TASP1: variants seen among roughly 807,000 people sequenced by gnomAD.
TASP1 encodes threonine aspartase 1.
In TASP1, 16 loss-of-function variants were observed where a neutral mutation model predicts 56.6. The observed-to-expected ratio is 0.28, with a 90% CI of 0.19 to 0.43. The LOEUF (loss-of-function observed/expected upper bound fraction) is 0.43. Among genes scored for constraint, TASP1 ranks in the 20% least tolerant of loss-of-function variants. TASP1 has a pLI of 1.00. For synonymous variants in TASP1, 179 were observed against 184.2 expected, an observed-to-expected ratio of 0.97 and a Z score of 0.23; for missense variants, 393 against 511.6, an observed-to-expected ratio of 0.77 and a Z score of 2.24.
At chr20:13,399,520 C>T (rs2041660753) in intron 13 of TASP1, among the ~76,000 whole-genome samples, 1 of 152,176 alleles carries the variant, frequency 6.6e-6, no homozygotes, top group Non-Finnish European at 1.5e-5. Flanking sequence ...AGGCCAAAAT[C>T]TTAAGAGTCA....
chr20:13,302,146 A>G, the TASP1 span, among the ~76,000 whole-genome samples: 5 of 152,324 alleles, frequency 3.3e-5, no homozygotes, highest in East Asian at 9.6e-4. Context: ...TGAAATCTCA[A>G]AGAGAACAGA....
chr20:13,158,471 C>T, the TASP1 span, among the ~76,000 whole-genome samples: 73 of 152,202 alleles, frequency 4.8e-4, no homozygotes, highest in African/African-American at 1.7e-3. Flanking sequence ...ACAGTGAAAG[C>T]GGTCTTCTGG....
chr20:13,547,221 G>T lies in TASP1; in HGVS notation c.675+11787C>A, dbSNP rs1033637833. Among the ~76,000 whole-genome samples the T allele has an allele frequency of 2.6e-5, 4 of 152,280 alleles. No individual in the cohort carries two copies. The East Asian group carries it at 5.8e-4, about 22-fold the overall frequency. On this transcript the variant is annotated intron_variant, in intron 8 of 13. Transcript: ENST00000337743. Reference sequence around the variant, plus strand: ...ACACCAACCTCAAAATGGCAAATGTGTAAAGCAGATAATTCAATTCAATTA... The same window carrying T: ...ACACCAACCTCAAAATGGCAAATGTTTAAAGCAGATAATTCAATTCAATTA...
At chr20:13,359,538 CG>C in the TASP1 span, among the ~76,000 whole-genome samples, 1 of 151,490 alleles carries the variant, frequency 6.6e-6, no homozygotes. Flanking sequence ...TTAATCAATA[CG>C]GAGGCTACAC....
the TASP1 span, among the ~76,000 whole-genome samples, chr20:13,360,449 G>T: frequency 3.1e-3 from 476 of 151,960 alleles, 1 homozygote; most frequent in East Asian, 0.01. Context: ...TCAAACCCAA[G>T]CACCTTCTAC....
At chr20:13,160,247 C>T in the TASP1 span, 4 of 1,277,856 alleles carry the variant, frequency 3.1e-6, no homozygotes. Context: ...TTTAGGAAAA[C>T]AACACTGACA....
At chr20:13,252,430 A>G in the TASP1 span, among the ~76,000 whole-genome samples, 1 of 152,164 alleles carries the variant, frequency 6.6e-6, no homozygotes, top group Non-Finnish European at 1.5e-5. Flanking sequence ...AGGCTTTTGC[A>G]GCATCAGAGA....
At chr20:13,128,871 ATTTT>A in the TASP1 span, among the ~76,000 whole-genome samples, 10 of 114,220 alleles carry the variant, frequency 8.8e-5, no homozygotes, top group Non-Finnish European at 1.0e-4. Context: ...TGCCCAGCTA[ATTTT>A]TTTTTTTTTT....
At chr20:13,466,243 G>C (rs2044254997) in intron 11 of TASP1, among the ~76,000 whole-genome samples, 1 of 151,858 alleles carries the variant, frequency 6.6e-6, no homozygotes, top group African/African-American at 2.4e-5. Context: ...ATATTCTTCA[G>C]GTTAATATAA....
Position 13,477,680 on chromosome 20 carries a change from A to C in TASP1, c.985+5547T>G, listed in dbSNP as rs1344291314. On this transcript the variant is annotated intron_variant, in intron 11 of 13. Coordinates refer to ENST00000337743, the MANE Select transcript of TASP1 (RefSeq NM_017714.3). ...ATGTGTATATGTGTGTAATCTTTTA[A>C]AAAGAACAACTAAAAAGGAAACTAC... Among the ~76,000 whole-genome samples the C allele has an allele frequency of 2.0e-5, 3 of 152,176 alleles. No homozygotes were observed. In the East Asian group the frequency reaches 5.8e-4, roughly 29 times the overall value.
chr20:13,625,177 G>T lies in TASP1; in HGVS notation c.213+8C>A. ...GCAATGCACAGATCATACACATTGT[G>T]TTCATACCTTCTGACAAGCTCGTTT... On this transcript the variant is annotated splice_region_variant and intron_variant, in intron 3 of 13. Coordinates refer to ENST00000337743, the MANE Select transcript of TASP1 (RefSeq NM_017714.3). 1.2e-6 allele frequency: 2 copies of T among 1,603,724 alleles called. No individual in the cohort carries two copies. Among genetic ancestry groups the T allele is most frequent in the Non-Finnish European group, 1.7e-6 (2 of 1,175,376 alleles).
At chr20:13,511,175 T>C (rs1410594746) in intron 10 of TASP1, among the ~76,000 whole-genome samples, 10 of 149,358 alleles carry the variant, frequency 6.7e-5, no homozygotes, top group Admixed American at 1.3e-4. Flanking sequence ...TCCTCATTCC[T>C]AGGAAAAAAA....
chr20:13,303,757 C>A, the TASP1 span, among the ~76,000 whole-genome samples: 4 of 152,150 alleles, frequency 2.6e-5, no homozygotes, highest in Admixed American at 2.0e-4. Flanking sequence ...AGGGATACAG[C>A]GGTGTACAAA....
the TASP1 span, among the ~76,000 whole-genome samples, chr20:13,246,884 T>TC: frequency 6.8e-6 from 1 of 148,012 alleles, no homozygotes; most frequent in African/African-American, 2.5e-5. Context: ...TCCTTCTCTC[T>TC]TTTTTTTTTA....
At chr20:13,472,234 A>C (rs544401944) in intron 11 of TASP1, among the ~76,000 whole-genome samples, 2 of 151,056 alleles carry the variant, frequency 1.3e-5, no homozygotes, top group Non-Finnish European at 2.9e-5. Context: ...GAAATGGGGA[A>C]AGGATTCCCT....
At chr20:13,165,164 G>T in the TASP1 span, 1 of 291,346 alleles carries the variant, frequency 3.4e-6, no homozygotes, top group Non-Finnish European at 6.4e-6. Flanking sequence ...TGTTTTAGCT[G>T]CTACTGTGCA....
chr20:13,278,572 C>T, the TASP1 span, among the ~76,000 whole-genome samples: 2 of 152,320 alleles, frequency 1.3e-5, no homozygotes, highest in South Asian at 4.1e-4. Flanking sequence ...ACCAGACTCC[C>T]CATGTCTGCC....
intron 10 of TASP1, among the ~76,000 whole-genome samples, chr20:13,499,063 C>T (rs145775568): frequency 3.3e-5 from 5 of 152,196 alleles, no homozygotes; most frequent in South Asian, 2.1e-4. Context: ...TAGAATCAAC[C>T]GAGGTGCATA....
At chr20:13,490,157 G>A (rs944745629) in intron 10 of TASP1, among the ~76,000 whole-genome samples, 35 of 152,056 alleles carry the variant, frequency 2.3e-4, no homozygotes, top group African/African-American at 7.2e-4. Context: ...TTTGATCTGA[G>A]AATATTTATT....
Sources: gnomAD v4.1 joint callset for allele counts (sites outside exome capture counted in the v4.1 genomes callset) on GRCh38, gnomAD v4.1.1 for gene constraint, MANE v1.5 for transcripts, NCBI Gene and HGNC (gene_info 2026-07-23, HGNC 2026-07-21) for gene names.